The following JARID2 variants were observed in gnomAD, a reference collection of about 807,000 sequenced individuals.
JARID2 encodes jumonji and AT-rich interaction domain containing 2.
JARID2 carries 21 observed loss-of-function variants against 125.6 expected under a neutral mutation model. The ratio of observed to expected loss-of-function variants is 0.17; its 90% CI spans 0.12 to 0.24. JARID2 has a LOEUF of 0.24. Ranked by LOEUF, JARID2 falls within the 10% of genes least tolerant of loss-of-function variation. The pLI is 1.00. For synonymous variants in JARID2, 736 were observed against 661.6 expected, an observed-to-expected ratio of 1.11 and a Z score of -1.73; for missense variants, 1,303 against 1,639.6, an observed-to-expected ratio of 0.79 and a Z score of 3.55.
In JARID2 at chr6:15,410,340, T is replaced by G; in HGVS notation, c.298T>G (p.Phe100Val). The G allele has an allele frequency of 6.2e-7, 1 of 1,614,070 alleles. No individual in the cohort carries two copies. Residue 100 changes from phenylalanine to valine, a missense_variant, in exon 3 of 18, where the codon TTT becomes GTT. This residue lies in a region of JARID2 where 93 missense variants were observed against 120.4 expected (regional missense o/e 0.77). Transcript: ENST00000341776. The part of the protein sequence containing the change: ...STSNDVSSSD[F>V]EEGPSRKRPR... ...TAGCAACGATGTTAGTTCTTCAGAT[T>G]TTGAAGAAGGGCCGTCGAGGAAAAG... is the stretch of plus-strand genomic sequence containing the variant.
Position 15,501,943 on chromosome 6 carries a change from G to T in JARID2, c.2448+534G>T, listed in dbSNP as rs192138041. On this transcript the variant is annotated intron_variant, in intron 8 of 17. Transcript: ENST00000341776. ...CCAGATCCAGCTGAACTTCTCACTG[G>T]CTGGACCGTCAGTGGACTCTGTGCG... 3.3e-3 allele frequency among the ~76,000 whole-genome samples: 501 copies of T among 152,272 alleles called. 3 individuals carry two copies. Among genetic ancestry groups the T allele is most frequent in the Non-Finnish European group, 2.1e-3 (146 of 68,028 alleles).
At chr6:15,453,748 G>C (rs1481855556) in intron 4 of JARID2, among the ~76,000 whole-genome samples, 1 of 152,164 alleles carries the variant, frequency 6.6e-6, no homozygotes, top group Non-Finnish European at 1.5e-5. Flanking sequence ...ATCCTCATCA[G>C]GCTGGCTTTT....
At chr6:15,331,455 T>G (rs2127455957) in intron 1 of JARID2, among the ~76,000 whole-genome samples, 1 of 152,226 alleles carries the variant, frequency 6.6e-6, no homozygotes, top group Middle Eastern at 3.4e-3. Context: ...GAGCAACACT[T>G]TAAGAAATAC....
intron 1 of JARID2, among the ~76,000 whole-genome samples, chr6:15,256,537 A>G (rs1318077191): frequency 6.6e-6 from 1 of 152,214 alleles, no homozygotes; most frequent in Non-Finnish European, 1.5e-5. Context: ...TCGAATCTAA[A>G]CCAACTTTGT....
chr6:15,279,227 A>G (rs949498246), intron 1 of JARID2, among the ~76,000 whole-genome samples: 3 of 152,156 alleles, frequency 2.0e-5, no homozygotes, highest in African/African-American at 7.2e-5. Flanking sequence ...AGTTTTGTGT[A>G]TTCTGACTCA....
chr6:15,257,740 C>T (rs1317786949), intron 1 of JARID2, among the ~76,000 whole-genome samples: 7 of 152,126 alleles, frequency 4.6e-5, no homozygotes, highest in Non-Finnish European at 8.8e-5. Flanking sequence ...CACGTTAGGC[C>T]AGCGGGTTGG....
intron 1 of JARID2, among the ~76,000 whole-genome samples, chr6:15,332,930 C>CTTTTT (rs1319288795): frequency 6.3e-4 from 52 of 82,792 alleles, no homozygotes; most frequent in African/African-American, 1.3e-3. Flanking sequence ...CTTTTCTTTT[C>CTTTTT]TTTTCTTTTT....
chr6:15,319,856 C>T (rs1162506556), intron 1 of JARID2, among the ~76,000 whole-genome samples: 1 of 152,170 alleles, frequency 6.6e-6, no homozygotes, highest in African/African-American at 2.4e-5. Flanking sequence ...ACAAATTATG[C>T]AAATTTGATG....
At chr6:15,306,180 CAGTT>C (rs1441874771) in intron 1 of JARID2, among the ~76,000 whole-genome samples, 4 of 152,096 alleles carry the variant, frequency 2.6e-5, no homozygotes, top group African/African-American at 9.7e-5. Context: ...AAGTGCGTCA[CAGTT>C]AGGTTGTTAA....
chr6:15,491,399 C>G (rs910260814), intron 6 of JARID2, among the ~76,000 whole-genome samples: 1 of 152,220 alleles, frequency 6.6e-6, no homozygotes, highest in Non-Finnish European at 1.5e-5. Context: ...GGCTGCTCCT[C>G]CCCTTCCATA....
At chr6:15,445,005 G>A (rs76418994) in intron 3 of JARID2, among the ~76,000 whole-genome samples, 6,350 of 152,060 alleles carry the variant, frequency 0.042, 367 homozygotes, top group African/African-American at 0.13. Context: ...GGGTTTGCAG[G>A]CTATCAGAAA....
intron 11 of JARID2, among the ~76,000 whole-genome samples, chr6:15,507,957 A>G (rs934196733): frequency 2.0e-5 from 3 of 152,256 alleles, no homozygotes; most frequent in Non-Finnish European, 4.4e-5. Flanking sequence ...GGCCTTACCA[A>G]CAAAGGGGCT....
chr6:15,508,309 A>T (rs754064626), intron 11 of JARID2, 31 bp from the exon 12 acceptor site: 12 of 1,114,198 alleles, frequency 1.1e-5, no homozygotes, highest in Non-Finnish European at 1.7e-5. Flanking sequence ...CCTAGCTTTT[A>T]AAAATGCCCT....
At chr6:15,516,668 C>G (rs1356161883) in intron 16 of JARID2, among the ~76,000 whole-genome samples, 1 of 152,222 alleles carries the variant, frequency 6.6e-6, no homozygotes, top group African/African-American at 2.4e-5. Context: ...CCATGAGAAC[C>G]TGTTTTGCTG....
At chr6:15,508,701 T>G (rs1376647726) in intron 12 of JARID2, among the ~76,000 whole-genome samples, 1 of 152,250 alleles carries the variant, frequency 6.6e-6, no homozygotes, top group Non-Finnish European at 1.5e-5. Context: ...TTTCATATGC[T>G]TAGTGGCCAT....
At chr6:15,356,415 GTTTTTC>G (rs1305706801) in intron 1 of JARID2, among the ~76,000 whole-genome samples, 1 of 151,694 alleles carries the variant, frequency 6.6e-6, no homozygotes, top group Non-Finnish European at 1.5e-5. Flanking sequence ...AACGTCTGCT[GTTTTTC>G]TTTTTGTTTT....
At chr6:15,446,407 G>A (rs1053127076) in intron 3 of JARID2, among the ~76,000 whole-genome samples, 1 of 152,216 alleles carries the variant, frequency 6.6e-6, no homozygotes, top group Non-Finnish European at 1.5e-5. Context: ...TCTGTGCAGA[G>A]GCTTCTGTGC....
At chr6:15,303,534 T>G (rs1761707082) in intron 1 of JARID2, among the ~76,000 whole-genome samples, 3 of 152,256 alleles carry the variant, frequency 2.0e-5, no homozygotes, top group African/African-American at 7.2e-5. Flanking sequence ...AGTCCAACAT[T>G]TTTGTTCATA....
Position 15,263,844 on chromosome 6 carries a change from C to T in JARID2, c.45+17260C>T, listed in dbSNP as rs562451199. 9.9e-5 allele frequency among the ~76,000 whole-genome samples: 15 copies of T among 152,246 alleles called. No homozygotes were observed. The East Asian group carries it at 2.3e-3, about 24-fold the overall frequency. ...CTGACCTCAGGTGATCTGCCTGCCT[C>T]GGCCTCCCAAAATGCTGGGATTACA... On this transcript the variant is annotated intron_variant, in intron 1 of 17. Coordinates refer to ENST00000341776, the MANE Select transcript of JARID2 (RefSeq NM_004973.4).
Sources: allele counts gnomAD v4.1 joint callset (sites outside exome capture counted in the v4.1 genomes callset), GRCh38; gene constraint gnomAD v4.1.1; regional missense constraint gnomAD v4.1.1; transcripts MANE v1.5; gene names NCBI Gene and HGNC (gene_info 2026-07-23, HGNC 2026-07-21).